Variants in PCM1 observed in about 807,000 individuals in gnomAD.
PCM1 encodes pericentriolar material 1 protein.
PCM1 carries 157 observed loss-of-function variants against 241.9 expected under a neutral mutation model. That is an observed-to-expected ratio of 0.65 (90% CI 0.57 to 0.74). PCM1 has a LOEUF of 0.74. Among genes scored for constraint, PCM1 ranks in the 30% least tolerant of loss-of-function variants. The pLI is 0.00. For synonymous variants in PCM1, 1,085 were observed against 784.9 expected, an observed-to-expected ratio of 1.38 and a Z score of -6.39; for missense variants, 3,478 against 2,360.1, an observed-to-expected ratio of 1.47 and a Z score of -9.81.
intron 6 of PCM1, among the ~76,000 whole-genome samples, chr8:17,944,599 A>C (rs558403921): frequency 1.2e-3 from 176 of 152,278 alleles, no homozygotes; most frequent in Admixed American, 2.2e-3. Flanking sequence ...AAAAAGTTTA[A>C]AGAAAAATAT....
intron 13 of PCM1, among the ~76,000 whole-genome samples, chr8:17,958,448 T>A (rs1036637668): frequency 6.6e-6 from 1 of 152,132 alleles, no homozygotes; most frequent in African/African-American, 2.4e-5. Flanking sequence ...TATACAAATG[T>A]AAAAATATAC....
chr8:17,958,745 A>G (rs1586827954), intron 13 of PCM1, among the ~76,000 whole-genome samples: 1 of 152,164 alleles, frequency 6.6e-6, no homozygotes, highest in East Asian at 1.9e-4. Context: ...TTTTGGGGAC[A>G]AGGTCTTGCT....
intron 29 of PCM1, among the ~76,000 whole-genome samples, chr8:18,005,270 G>T (rs1447071685): frequency 6.6e-6 from 1 of 151,878 alleles, no homozygotes; most frequent in East Asian, 1.9e-4. Context: ...AGACAGCACG[G>T]AGCTTATAGT....
intron 7 of PCM1, among the ~76,000 whole-genome samples, chr8:17,949,722 C>T (rs1169145700): frequency 6.6e-6 from 1 of 152,068 alleles, no homozygotes; most frequent in African/African-American, 2.4e-5. Flanking sequence ...GTCTTGAACT[C>T]CTGCGCTCAA....
intron 2 of PCM1, among the ~76,000 whole-genome samples, chr8:17,930,749 G>C (rs897568269): frequency 2.0e-5 from 3 of 151,894 alleles, no homozygotes; most frequent in Non-Finnish European, 4.4e-5. Context: ...GCGTGGTGGC[G>C]GGTGCCTGTA....
chr8:17,937,179 A>G lies in PCM1; in HGVS notation c.142A>G (p.Asn48Asp), dbSNP rs368619419. Residue 48 changes from asparagine (N) to aspartate (D), a missense_variant, in exon 4 of 39, where the codon AAT becomes GAT. Physicochemically the swap from Asn to Asp is conservative, Grantham distance 23. Transcript: ENST00000325083. ...GAAAGCAAATAGATCATCAGAAAAG[A>G]ATAAGAAAAAGTTTGGTGTAGAAAG... ...QKKANRSSEK[N>D]KKKFGVESDK... The G allele has an allele frequency of 6.3e-7, 1 of 1,587,006 alleles. No individual in the cohort carries two copies. The highest frequency in any genetic ancestry group is 8.6e-7 in the Non-Finnish European group (1 of 1,165,002).
At chr8:17,994,755 T>A (rs2086017789) in intron 29 of PCM1, among the ~76,000 whole-genome samples, 1 of 146,288 alleles carries the variant, frequency 6.8e-6, no homozygotes, top group African/African-American at 2.8e-5. Context: ...AGATGATTTC[T>A]CGTTGTAGTT....
intron 18 of PCM1, 73 bp downstream of exon 18, chr8:17,964,841 T>C: frequency 8.9e-7 from 1 of 1,124,250 alleles, no homozygotes; most frequent in Non-Finnish European, 1.3e-6. Flanking sequence ...CAAGCACTTC[T>C]GCAGTTCTCC....
At chr8:17,930,747 G>A (rs2058745169) in intron 2 of PCM1, among the ~76,000 whole-genome samples, 1 of 151,966 alleles carries the variant, frequency 6.6e-6, no homozygotes, top group African/African-American at 2.4e-5. Flanking sequence ...AGGCGTGGTG[G>A]CGGGTGCCTG....
intron 29 of PCM1, among the ~76,000 whole-genome samples, chr8:18,004,524 T>G (rs187726216): frequency 2.5e-3 from 371 of 147,230 alleles, no homozygotes; most frequent in Non-Finnish European, 4.6e-3. Flanking sequence ...GGAAATGAAA[T>G]AATAAATACT....
chr8:17,996,925 C>G (rs1191123713), intron 29 of PCM1, among the ~76,000 whole-genome samples: 1 of 151,970 alleles, frequency 6.6e-6, no homozygotes, highest in Non-Finnish European at 1.5e-5. Flanking sequence ...TTTGTCTTTC[C>G]ACTTAAGAGT....
At position 17,966,412 on chromosome 8, in the gene PCM1, A is replaced by G. The variant is rs1271238631; in HGVS notation, c.3160A>G (p.Ile1054Val). Residue 1054 changes from isoleucine (I) to valine (V), a missense_variant, in exon 20 of 39, where the codon ATA becomes GTA. Ile to Val is a conservative substitution (Grantham distance 29). Transcript: ENST00000325083. ...SNVASPQVHF[I>V]MHQLNQCYTQ... ...TGTTGCATCTCCTCAAGTACACTTCATAATGCACCAGTTGAACCAGTGCTA... is the reference window on the plus strand; with the variant it reads ...TGTTGCATCTCCTCAAGTACACTTCGTAATGCACCAGTTGAACCAGTGCTA... 1.2e-6 allele frequency: 2 copies of G among 1,613,508 alleles called. No homozygotes were observed. Among genetic ancestry groups the G allele is most frequent in the Admixed American group, 1.7e-5 (1 of 60,026 alleles).
intron 13 of PCM1, among the ~76,000 whole-genome samples, chr8:17,958,269 C>G (rs575746196): frequency 6.6e-6 from 1 of 152,178 alleles, no homozygotes; most frequent in East Asian, 1.9e-4. Context: ...ATTCAGACTT[C>G]CTGATACCAG....
At chr8:17,993,669 T>A (rs774120939) in intron 29 of PCM1, 50 bp downstream of exon 29, 11 of 1,473,220 alleles carry the variant, frequency 7.5e-6, no homozygotes, top group Non-Finnish European at 1.0e-5. Flanking sequence ...TTTTGTTTTT[T>A]AATTCATACA....
At chr8:17,945,304 A>G (rs1417638639) in intron 6 of PCM1, among the ~76,000 whole-genome samples, 1 of 152,154 alleles carries the variant, frequency 6.6e-6, no homozygotes, top group Non-Finnish European at 1.5e-5. Flanking sequence ...AGGATAGGAG[A>G]GAACTGAGTA....
At chr8:17,941,384 A>G (rs1298492449) in intron 6 of PCM1, among the ~76,000 whole-genome samples, 1 of 152,216 alleles carries the variant, frequency 6.6e-6, no homozygotes, top group Non-Finnish European at 1.5e-5. Context: ...GTAAATGTTA[A>G]AAATGTGCTT....
Position 17,957,529 on chromosome 8 carries a change from G to A in PCM1, c.1805-11G>A. On this transcript the variant is annotated splice_polypyrimidine_tract_variant and intron_variant, in intron 12 of 38. Transcript: ENST00000325083. ...AAAGTTACTGGTTTTAATTATACATGTTTTCAGCAGATTGTCGATATAATA... is the reference window on the plus strand; with the variant it reads ...AAAGTTACTGGTTTTAATTATACATATTTTCAGCAGATTGTCGATATAATA... The A allele has an allele frequency of 6.3e-7, 1 of 1,597,006 alleles. No individual in the cohort carries two copies. The highest frequency in any genetic ancestry group is 8.6e-7 in the Non-Finnish European group (1 of 1,169,310).
chr8:17,986,105 A>G lies in PCM1; in HGVS notation c.4410+18A>G. The G allele has an allele frequency of 2.7e-6, 4 of 1,489,492 alleles. No homozygotes were observed. Among genetic ancestry groups the G allele is most frequent in the Non-Finnish European group, 3.6e-6 (4 of 1,112,846 alleles). The allele number at this position is 1,489,492 out of a possible 1,614,324, so 92.3% of individuals were successfully genotyped here. A position where few individuals can be genotyped will look rare whatever the true frequency, so the allele number is the denominator to read the frequency against. On this transcript the variant is annotated intron_variant, in intron 26 of 38. Coordinates refer to ENST00000325083, the MANE Select transcript of PCM1 (RefSeq NM_006197.4). ...CTGATGATGTAAGCTGATAATGATT[A>G]GTGAATTGTAGATATAATTTTAGTA...
chr8:18,026,828 C>A (rs1588893994), intron 38 of PCM1, among the ~76,000 whole-genome samples: 1 of 152,100 alleles, frequency 6.6e-6, no homozygotes, highest in Admixed American at 6.6e-5. Context: ...TGCTTTCTTC[C>A]TGGTTCTCTG....
Sources: allele counts gnomAD v4.1 joint callset (sites outside exome capture counted in the v4.1 genomes callset), GRCh38; gene constraint gnomAD v4.1.1; transcripts MANE v1.5; gene names NCBI Gene and HGNC (gene_info 2026-07-23, HGNC 2026-07-21).